Variants in SEL1L2 observed in about 807,000 individuals in gnomAD.
SEL1L2 encodes the protein SEL1L2 adaptor subunit of SYVN1 ubiquitin ligase, also known as protein sel-1 homolog 2.
Under a neutral mutation model 98.8 loss-of-function variants are expected in SEL1L2, and 89 were observed. That is an observed-to-expected ratio of 0.90 (90% CI 0.76 to 1.07). The LOEUF (loss-of-function observed/expected upper bound fraction) is 1.07. SEL1L2 is among the 50% of genes least tolerant of loss of function. The pLI, the probability that SEL1L2 is intolerant of heterozygous loss-of-function variation, is 0.00. For synonymous variants in SEL1L2, 262 were observed against 278.5 expected, an observed-to-expected ratio of 0.94 and a Z score of 0.59; for missense variants, 788 against 812.0, an observed-to-expected ratio of 0.97 and a Z score of 0.36.
In SEL1L2 at chr20:13,888,850, G is replaced by A. The variant is rs1204695071; in HGVS notation, c.550-338C>T. On this transcript the variant is annotated intron_variant, in intron 5 of 19. Coordinates refer to ENST00000284951, the MANE Select transcript of SEL1L2 (RefSeq NM_025229.2). ...TTTAGTAGAGATGGGGCTTCACCCT[G>A]TTGGCCAGGATGGTCTTGATCTCCT... Among the ~76,000 whole-genome samples the A allele has an allele frequency of 2.7e-5, 4 of 145,542 alleles. No individual in the cohort carries two copies. In the South Asian group the frequency reaches 8.7e-4, roughly 32 times the overall value.
chr20:13,937,219 C>A (rs1330968737), intron 2 of SEL1L2, among the ~76,000 whole-genome samples: 3 of 152,186 alleles, frequency 2.0e-5, no homozygotes, highest in Admixed American at 6.5e-5. Context: ...TCCCTCTGAA[C>A]TTGTAGTTTC....
intron 5 of SEL1L2, 30 bp downstream of exon 5, chr20:13,913,751 AT>A (rs779527167): frequency 6.7e-7 from 1 of 1,490,522 alleles, no homozygotes; most frequent in Non-Finnish European, 8.9e-7. Context: ...GGATGGAGCT[AT>A]TTAAGGTTTC....
intron 2 of SEL1L2, among the ~76,000 whole-genome samples, chr20:13,938,267 G>A (rs2049556213): frequency 6.6e-6 from 1 of 151,972 alleles, no homozygotes; most frequent in African/African-American, 2.4e-5. Flanking sequence ...TTTTAGTAGA[G>A]ATGGGGTTTC....
chr20:13,929,814 G>A (rs1388375958), intron 3 of SEL1L2, among the ~76,000 whole-genome samples: 3 of 149,790 alleles, frequency 2.0e-5, no homozygotes, highest in African/African-American at 2.5e-5. Context: ...TTTTTGAGAC[G>A]GGGTCTCCCT....
intron 1 of SEL1L2, among the ~76,000 whole-genome samples, chr20:13,988,404 C>A (rs991642199): frequency 1.1e-4 from 17 of 152,056 alleles, no homozygotes; most frequent in African/African-American, 4.1e-4. Flanking sequence ...GTTGTCCCAG[C>A]ACCATTTGTT....
intron 1 of SEL1L2, among the ~76,000 whole-genome samples, chr20:13,964,212 C>T (rs1177939731): frequency 1.3e-5 from 2 of 152,140 alleles, no homozygotes; most frequent in East Asian, 3.9e-4. Context: ...ATCAAGCTAA[C>T]AGTCAAAGAA....
rs763288925 is a variant in SEL1L2 at position 13,950,202 on chromosome 20, T to TA, written c.114+5873dup. Among the ~76,000 whole-genome samples, 75 of 152,214 alleles carry TA rather than the reference T, an allele frequency of 4.9e-4. 1 individual carries two copies. In the South Asian group the frequency reaches 0.015, roughly 31 times the overall value. On this transcript the variant is annotated intron_variant, in intron 2 of 19. Coordinates refer to ENST00000284951, the MANE Select transcript of SEL1L2 (RefSeq NM_025229.2). The stretch of plus-strand genomic sequence containing the variant: ...GAATGGAGAGGTTTTTGTTTTTTTT[T>TA]AATGGATATAGAGTTTCGGTTTTAC...
At chr20:13,916,754 T>C (rs1171352734) in intron 4 of SEL1L2, among the ~76,000 whole-genome samples, 2 of 151,964 alleles carry the variant, frequency 1.3e-5, no homozygotes. Context: ...TGCAGTGAGC[T>C]GAGATTGTGC....
chr20:13,891,905 T>C (rs1380025266), intron 5 of SEL1L2, among the ~76,000 whole-genome samples: 12 of 152,126 alleles, frequency 7.9e-5, no homozygotes, highest in African/African-American at 2.9e-4. Flanking sequence ...TATAAAGCTC[T>C]ATGAAAAGGT....
At chr20:13,929,487 CTTTTTTTTT>C (rs747948529) in intron 3 of SEL1L2, among the ~76,000 whole-genome samples, 1,405 of 73,276 alleles carry the variant, frequency 0.019, 24 homozygotes, top group African/African-American at 0.074. Context: ...TTGCCTTTGC[CTTTTTTTTT>C]TTTTTTTTTT....
rs534475964 is a variant in SEL1L2 at position 13,907,701 on chromosome 20, T to C, written c.549+6081A>G. Among the ~76,000 whole-genome samples, 3 of 28,732 alleles carry C rather than the reference T, an allele frequency of 1.0e-4. No homozygotes were observed. In the East Asian group the frequency reaches 3.2e-3, roughly 31 times the overall value. 18.8% of individuals were successfully genotyped at this position (28,732 alleles called of 152,430 possible). On this transcript the variant is annotated intron_variant, in intron 5 of 19. Coordinates refer to ENST00000284951, the MANE Select transcript of SEL1L2 (RefSeq NM_025229.2). ...CTTTTTCTCTTTCTTTCTTTCTTTC[T>C]CTTTCTTTCTTTCTTTCTTTCTTTC...
chr20:13,917,917 A>T (rs1173265090), intron 4 of SEL1L2, among the ~76,000 whole-genome samples: 1 of 146,384 alleles, frequency 6.8e-6, no homozygotes, highest in African/African-American at 2.6e-5. Flanking sequence ...CTCCTCCCTC[A>T]ACCTCCCAAA....
chr20:13,914,106 CT>C (rs2048309919), intron 4 of SEL1L2, among the ~76,000 whole-genome samples, 162 bp from the exon 5 acceptor site: 1 of 152,048 alleles, frequency 6.6e-6, no homozygotes, highest in African/African-American at 2.4e-5. Flanking sequence ...TTTTTCATTC[CT>C]AAAGCAGTCT....
Position 13,849,980 on chromosome 20 carries a change from G to T in SEL1L2, c.1947+211C>A, listed in dbSNP as rs1009846672. On this transcript the variant is annotated intron_variant, in intron 19 of 19. Coordinates refer to ENST00000284951, the MANE Select transcript of SEL1L2 (RefSeq NM_025229.2). ...TGTGTACTGGAAAAGAACATCTGCTGAATGAATTAATTGCTTATACTCTGA... is the reference window on the plus strand; with the variant it reads ...TGTGTACTGGAAAAGAACATCTGCTTAATGAATTAATTGCTTATACTCTGA... 23 of 585,400 alleles carry T rather than the reference G, an allele frequency of 3.9e-5. 1 individual carries two copies. In the South Asian group the frequency reaches 4.7e-4, roughly 12 times the overall value. 36.3% of individuals were successfully genotyped at this position (585,400 alleles called of 1,614,324 possible).
intron 18 of SEL1L2, among the ~76,000 whole-genome samples, chr20:13,858,726 C>G (rs78386032): frequency 6.6e-6 from 1 of 152,202 alleles, no homozygotes; most frequent in Non-Finnish European, 1.5e-5. Flanking sequence ...TATGACTCAT[C>G]GCCTCAAGTC....
At chr20:13,861,487 T>G (rs1379736091) in intron 17 of SEL1L2, among the ~76,000 whole-genome samples, 2 of 151,926 alleles carry the variant, frequency 1.3e-5, no homozygotes, top group African/African-American at 4.8e-5. Flanking sequence ...TTATATATAG[T>G]ATATATGTAA....
chr20:13,893,692 G>A (rs892712161), intron 5 of SEL1L2, among the ~76,000 whole-genome samples: 7 of 152,150 alleles, frequency 4.6e-5, no homozygotes, highest in Non-Finnish European at 8.8e-5. Flanking sequence ...ACAGACATAT[G>A]TGGAACATTC....
chr20:13,849,850 C>A (rs183310860), intron 19 of SEL1L2, among the ~76,000 whole-genome samples: 4 of 152,246 alleles, frequency 2.6e-5, no homozygotes, highest in African/African-American at 9.6e-5. Flanking sequence ...TTGTGGTATC[C>A]CTTGCCACCT....
rs1353323283 is a variant in SEL1L2, at chr20:13,968,053, G to T, written c.59-11922C>A. Among the ~76,000 whole-genome samples, 19 of 152,288 alleles carry T rather than the reference G, an allele frequency of 1.2e-4. No homozygotes were observed. In the East Asian group the frequency reaches 1.5e-3, roughly 12 times the overall value. ...AATATAGTAGATGTTCTGAAAGTCT[G>T]TAATTTAGTGTCAGTGTCTTGAAAA... On this transcript the variant is annotated intron_variant, in intron 1 of 19. Coordinates refer to ENST00000284951, the MANE Select transcript of SEL1L2 (RefSeq NM_025229.2).
Sources: allele counts gnomAD v4.1 joint callset (sites outside exome capture counted in the v4.1 genomes callset), GRCh38; gene constraint gnomAD v4.1.1; transcripts MANE v1.5; gene names NCBI Gene and HGNC (gene_info 2026-07-23, HGNC 2026-07-21).